The following TUSC3 variants were observed in gnomAD, a reference collection of about 807,000 sequenced individuals.
The protein encoded by TUSC3 is tumor suppressor candidate 3, also known as dolichyl-diphosphooligosaccharide--protein glycosyltransferase subunit TUSC3.
TUSC3 carries 45 observed loss-of-function variants against 44.8 expected under a neutral mutation model. That is an observed-to-expected ratio of 1.00 (90% CI 0.79 to 1.29). The LOEUF (loss-of-function observed/expected upper bound fraction) is 1.29, where lower values mean the gene tolerates loss of function less well. TUSC3 is among the 50% of genes most tolerant of loss of function. TUSC3 has a pLI of 0.00. For missense variants in TUSC3, 519 were observed against 437.9 expected (o/e 1.19, Z -1.65); for synonymous variants, 212 against 152.9 (o/e 1.39, Z -2.85).
intron 6 of TUSC3, among the ~76,000 whole-genome samples, chr8:15,684,399 G>A (rs903152775): frequency 6.6e-5 from 10 of 152,266 alleles, no homozygotes; most frequent in Admixed American, 3.3e-4. Context: ...CAGTGGCACC[G>A]TGTGTACAAC....
chr8:15,683,394 T>A (rs1054610710), intron 6 of TUSC3, among the ~76,000 whole-genome samples: 3 of 152,130 alleles, frequency 2.0e-5, no homozygotes, highest in Non-Finnish European at 4.4e-5. Context: ...AGGAGTGATG[T>A]TCAGGCTCTG....
intron 2 of TUSC3, among the ~76,000 whole-genome samples, chr8:15,526,490 G>C (rs571272773): frequency 6.6e-6 from 1 of 152,300 alleles, no homozygotes; most frequent in Non-Finnish European, 1.5e-5. Context: ...GACCCAGTGG[G>C]AGATAATTGA....
In TUSC3 at chr8:15,544,251, C is replaced by G. The variant is rs1487114135; in HGVS notation, c.138+3683C>G. Among the ~76,000 whole-genome samples, 5 of 152,158 alleles carry G rather than the reference C, an allele frequency of 3.3e-5. No homozygotes were observed. The East Asian group carries it at 7.7e-4, about 24-fold the overall frequency. ...TTTTATTTTGACAGTTTCTCTCTTTCTAACTTCATTAACACTTATCAGTTA... is the reference window on the plus strand; with the variant it reads ...TTTTATTTTGACAGTTTCTCTCTTTGTAACTTCATTAACACTTATCAGTTA... On this transcript the variant is annotated intron_variant, in intron 1 of 10. Transcript: ENST00000503731.
At chr8:15,629,518 A>C (rs1805662668) in intron 2 of TUSC3, among the ~76,000 whole-genome samples, 1 of 151,304 alleles carries the variant, frequency 6.6e-6, no homozygotes, top group Non-Finnish European at 1.5e-5. Flanking sequence ...TTGTAGATGC[A>C]CTGAGAAAGG....
At chr8:15,628,532 A>C (rs73665462) in intron 2 of TUSC3, among the ~76,000 whole-genome samples, 2,073 of 152,240 alleles carry the variant, frequency 0.014, 40 homozygotes, top group African/African-American at 0.042. Flanking sequence ...TGGAAAATTT[A>C]ATGGGTCAGT....
the TUSC3 span, among the ~76,000 whole-genome samples, chr8:15,784,186 A>T: frequency 1.3e-5 from 2 of 152,136 alleles, no homozygotes; most frequent in African/African-American, 4.8e-5. Context: ...TTTTTAAACA[A>T]TGAAAAAGTA....
intron 1 of TUSC3, among the ~76,000 whole-genome samples, chr8:15,583,000 T>C (rs1309668039): frequency 2.0e-5 from 3 of 152,214 alleles, no homozygotes; most frequent in Admixed American, 6.5e-5. Flanking sequence ...CTGTACATTT[T>C]TATTTTGATT....
At chr8:15,805,428 T>C in the TUSC3 span, among the ~76,000 whole-genome samples, 1 of 152,160 alleles carries the variant, frequency 6.6e-6, no homozygotes. Flanking sequence ...GGGAAATGCA[T>C]TCAGCTTTTG....
chr8:15,435,271 T>C (rs1484661277), intron 1 of TUSC3, among the ~76,000 whole-genome samples: 1 of 152,158 alleles, frequency 6.6e-6, no homozygotes, highest in Non-Finnish European at 1.5e-5. Context: ...TTGATTTGCA[T>C]TTCTCTGGTG....
intron 6 of TUSC3, among the ~76,000 whole-genome samples, chr8:15,675,851 G>T (rs1808164923): frequency 1.3e-5 from 2 of 152,080 alleles, no homozygotes; most frequent in Non-Finnish European, 2.9e-5. Flanking sequence ...GGACACCTCA[G>T]TTGCTTCCAT....
chr8:15,420,079 A>C (rs577268243), intron 1 of TUSC3, among the ~76,000 whole-genome samples: 1 of 152,294 alleles, frequency 6.6e-6, no homozygotes, highest in East Asian at 1.9e-4. Context: ...TGATGCCAAA[A>C]ACACTATAAC....
At chr8:15,757,193 TAAC>T (rs1327658610) in intron 9 of TUSC3, among the ~76,000 whole-genome samples, 1 of 152,110 alleles carries the variant, frequency 6.6e-6, no homozygotes, top group Non-Finnish European at 1.5e-5. Flanking sequence ...AGCTGGGTGA[TAAC>T]AAGTGAAAAA....
At position 15,430,246 on chromosome 8, in the gene TUSC3, G is replaced by C. The variant is rs374754698; in HGVS notation, n.91+12941G>C. Reference sequence around the variant, plus strand: ...AATCCTCAATAAAATACTGGCAAACGGAATCCAGCAGCACATCAAAAAGCT... The same window carrying C: ...AATCCTCAATAAAATACTGGCAAACCGAATCCAGCAGCACATCAAAAAGCT... On this transcript the variant is annotated intron_variant and non_coding_transcript_variant, in intron 1 of 5. Coordinates refer to the TUSC3 transcript ENST00000503191. 4.4e-3 allele frequency among the ~76,000 whole-genome samples: 562 copies of C among 128,912 alleles called. 2 individuals carry two copies. Among genetic ancestry groups the C allele is most frequent in the Middle Eastern group, 0.014 (3 of 212 alleles). The allele number at this position is 128,912 out of a possible 152,430, so 84.6% of individuals were successfully genotyped here. A position where few individuals can be genotyped will look rare whatever the true frequency, so the allele number is the denominator to read the frequency against.
At chr8:15,494,293 ATC>A (rs1383317563) in intron 2 of TUSC3, among the ~76,000 whole-genome samples, 53 of 149,124 alleles carry the variant, frequency 3.6e-4, no homozygotes, top group African/African-American at 1.3e-3. Context: ...AGGCCCCTGA[ATC>A]TCCATAGGGC....
At chr8:15,472,836 G>C (rs1335924012) in intron 1 of TUSC3, among the ~76,000 whole-genome samples, 1 of 152,150 alleles carries the variant, frequency 6.6e-6, no homozygotes, top group Admixed American at 6.5e-5. Context: ...ATGCTTTGTG[G>C]ACATAAAGAG....
chr8:15,429,650 T>A (rs1297343396), intron 1 of TUSC3, among the ~76,000 whole-genome samples: 1 of 151,676 alleles, frequency 6.6e-6, no homozygotes, highest in Non-Finnish European at 1.5e-5. Flanking sequence ...TTTTATTTCA[T>A]TGAGCAGTGG....
intron 1 of TUSC3, among the ~76,000 whole-genome samples, chr8:15,600,442 A>T (rs550250526): frequency 6.6e-6 from 1 of 151,894 alleles, no homozygotes; most frequent in African/African-American, 2.4e-5. Context: ...GAAAATTAGA[A>T]TTGGGTAGTG....
At chr8:15,842,437 G>A in the TUSC3 span, among the ~76,000 whole-genome samples, 1 of 152,128 alleles carries the variant, frequency 6.6e-6, no homozygotes, top group Non-Finnish European at 1.5e-5. Flanking sequence ...GCCTTGACAT[G>A]TTTTTCATGT....
intron 6 of TUSC3, among the ~76,000 whole-genome samples, chr8:15,717,794 C>G (rs1020873035): frequency 6.6e-5 from 10 of 152,072 alleles, no homozygotes; most frequent in Non-Finnish European, 1.2e-4. Flanking sequence ...AATCCTATAG[C>G]ACCTCTCAAG....
Sources: gnomAD v4.1 joint callset for allele counts (sites outside exome capture counted in the v4.1 genomes callset) on GRCh38, gnomAD v4.1.1 for gene constraint, MANE v1.5 for transcripts, NCBI Gene and HGNC (gene_info 2026-07-23, HGNC 2026-07-21) for gene names.